Variants in SNTG2 observed in about 807,000 individuals in gnomAD.
SNTG2 encodes gamma-2-syntrophin.
Under a neutral mutation model 70.9 loss-of-function variants are expected in SNTG2, and 74 were observed. The ratio of observed to expected loss-of-function variants is 1.04; its 90% CI spans 0.86 to 1.27. The LOEUF (loss-of-function observed/expected upper bound fraction) is 1.27, where lower values mean the gene tolerates loss of function less well. SNTG2 is among the 50% of genes most tolerant of loss of function. The pLI is 0.00. For missense variants in SNTG2, 717 were observed against 690.7 expected (o/e 1.04, Z -0.43); for synonymous variants, 278 against 273.8 (o/e 1.02, Z -0.15).
chr2:1,162,424 C>T lies in SNTG2; in HGVS notation c.412-3124C>T, dbSNP rs566603704. Among the ~76,000 whole-genome samples the T allele has an allele frequency of 1.6e-3, 245 of 152,260 alleles. 5 individuals are homozygous for T. In the South Asian group the frequency reaches 0.028, roughly 18 times the overall value. ...GGGCAGCCTGTTTAAGGATGGGGCA[C>T]GGTGAGCTTCATGAATCTCAAACTG... On this transcript the variant is annotated intron_variant, in intron 6 of 16. Coordinates refer to ENST00000308624, the MANE Select transcript of SNTG2 (RefSeq NM_018968.4).
chr2:1,035,249 A>G (rs1042725209), intron 1 of SNTG2, among the ~76,000 whole-genome samples: 4 of 152,148 alleles, frequency 2.6e-5, no homozygotes, highest in East Asian at 1.9e-4. Flanking sequence ...GGAGCATTCA[A>G]TATTGTATTT....
At chr2:1,052,161 G>T (rs918450996) in intron 1 of SNTG2, among the ~76,000 whole-genome samples, 4 of 151,978 alleles carry the variant, frequency 2.6e-5, no homozygotes, top group Non-Finnish European at 5.9e-5. Flanking sequence ...GAGTTTACTG[G>T]TAGTCATTGT....
chr2:951,028 C>A lies in SNTG2; in HGVS notation c.32C>A (p.Ala11Asp). The A allele has an allele frequency of 1.6e-6, 2 of 1,266,718 alleles. No individual in the cohort carries two copies. The highest frequency in any genetic ancestry group is 6.2e-5 in the South Asian group (2 of 32,352). 78.5% of individuals were successfully genotyped at this position (1,266,718 alleles called of 1,614,324 possible). Reference protein sequence around the residue: MGTEGPPPPAASRGRQGCLLV... With the variant: MGTEGPPPPADSRGRQGCLLV... ...ACCGAGGGACCCCCGCCCCCGGCCG[C>A]CTCCCGCGGACGCCAGGGCTGCCTG... The change falls in exon 1 of 17, where the codon GCC (alanine) becomes GAC (aspartate). Residue 11 changes from alanine to aspartate, a missense_variant. Physicochemically the swap from Ala to Asp is moderately radical, Grantham distance 126. Coordinates refer to ENST00000308624, the MANE Select transcript of SNTG2 (RefSeq NM_018968.4).
chr2:1,034,885 C>T (rs1418709357), intron 1 of SNTG2, among the ~76,000 whole-genome samples: 1 of 152,178 alleles, frequency 6.6e-6, no homozygotes, highest in Non-Finnish European at 1.5e-5. Context: ...GACCTCTAAA[C>T]AACTTTCCAC....
At chr2:1,095,810 A>C (rs1197656614) in intron 2 of SNTG2, among the ~76,000 whole-genome samples, 1 of 152,260 alleles carries the variant, frequency 6.6e-6, no homozygotes, top group Non-Finnish European at 1.5e-5. Flanking sequence ...GAGCATTTTC[A>C]GAAATTCCAT....
chr2:1,280,330 A>G (rs1263370934), intron 14 of SNTG2, among the ~76,000 whole-genome samples: 3 of 152,198 alleles, frequency 2.0e-5, no homozygotes, highest in African/African-American at 7.2e-5. Context: ...TGTCTTCATT[A>G]TGTACATGAA....
chr2:1,237,481 C>T (rs1676743703), intron 9 of SNTG2, among the ~76,000 whole-genome samples: 1 of 152,076 alleles, frequency 6.6e-6, no homozygotes, highest in South Asian at 2.1e-4. Context: ...CAGAAGCACA[C>T]AGGTGGTCCT....
intron 9 of SNTG2, among the ~76,000 whole-genome samples, chr2:1,216,035 A>G (rs1215742737): frequency 1.3e-5 from 2 of 152,208 alleles, no homozygotes; most frequent in Non-Finnish European, 2.9e-5. Flanking sequence ...GTGTCTTTAT[A>G]GCAGCATGAT....
intron 11 of SNTG2, among the ~76,000 whole-genome samples, chr2:1,246,705 A>G (rs1677451086): frequency 6.7e-6 from 1 of 148,390 alleles, no homozygotes; most frequent in Non-Finnish European, 1.5e-5. Flanking sequence ...AAAATTTTAG[A>G]TAACATGGAT....
intron 12 of SNTG2, among the ~76,000 whole-genome samples, chr2:1,256,100 A>G (rs10184245): frequency 0.21 from 31,501 of 151,014 alleles, 4,452 homozygotes; most frequent in African/African-American, 0.4. Context: ...GTATATTTTT[A>G]TTTATGTATA....
In SNTG2 at chr2:1,137,773, T is replaced by C; in HGVS notation, c.375T>C (p.Asn125=). Residue 125 remains asparagine, a synonymous_variant, in exon 6 of 17, where the codon AAT becomes AAC. Coordinates refer to ENST00000308624, the MANE Select transcript of SNTG2 (RefSeq NM_018968.4). ...LFVGDAVLQV[N]GIHVENATHE... ...TTACTTTGTCATCTGTTCAGGTTAATGGCATACATGTAGAAAATGCAACTC... is the reference window on the plus strand; with the variant it reads ...TTACTTTGTCATCTGTTCAGGTTAACGGCATACATGTAGAAAATGCAACTC... 1.9e-6 allele frequency: 3 copies of C among 1,613,706 alleles called. No individual in the cohort carries two copies. In the African/African-American group the frequency reaches 4.0e-5, roughly 22 times the overall value.
chr2:1,351,675 TTC>T (rs1277070677), intron 16 of SNTG2, among the ~76,000 whole-genome samples: 3 of 152,192 alleles, frequency 2.0e-5, no homozygotes, highest in Admixed American at 2.0e-4. Context: ...CTGGGTTTGT[TTC>T]TCTGTCACCA....
At chr2:1,232,683 A>G (rs1676337540) in intron 9 of SNTG2, among the ~76,000 whole-genome samples, 1 of 152,392 alleles carries the variant, frequency 6.6e-6, no homozygotes, top group East Asian at 1.9e-4. Flanking sequence ...TGGACTATTT[A>G]GAAATGCCAC....
intron 1 of SNTG2, among the ~76,000 whole-genome samples, chr2:957,251 G>A (rs1660195208): frequency 6.8e-6 from 1 of 147,130 alleles, no homozygotes; most frequent in South Asian, 2.2e-4. Context: ...ATGGTCTGCA[G>A]CAAGGTAGAT....
At chr2:1,006,246 G>A (rs980065761) in intron 1 of SNTG2, among the ~76,000 whole-genome samples, 1 of 150,962 alleles carries the variant, frequency 6.6e-6, no homozygotes, top group African/African-American at 2.4e-5. Flanking sequence ...CACTAGCATG[G>A]CACATGTATA....
At chr2:962,952 A>G (rs1471484145) in intron 1 of SNTG2, among the ~76,000 whole-genome samples, 1 of 152,198 alleles carries the variant, frequency 6.6e-6, no homozygotes, top group Admixed American at 6.5e-5. Flanking sequence ...AGGTACTGCA[A>G]ATATTTCAAA....
chr2:1,129,685 T>A (rs1667904522), intron 4 of SNTG2, among the ~76,000 whole-genome samples: 1 of 152,196 alleles, frequency 6.6e-6, no homozygotes, highest in African/African-American at 2.4e-5. Context: ...TCACCTTTAA[T>A]CCTTTTGAAG....
chr2:1,302,023 G>A (rs901066471), intron 14 of SNTG2, among the ~76,000 whole-genome samples: 9 of 151,438 alleles, frequency 5.9e-5, no homozygotes, highest in Non-Finnish European at 1.2e-4. Flanking sequence ...GTGCAGTGGT[G>A]TGATCTCGGC....
intron 1 of SNTG2, among the ~76,000 whole-genome samples, chr2:1,066,361 A>G (rs1261255650): frequency 6.6e-6 from 1 of 151,956 alleles, no homozygotes; most frequent in Non-Finnish European, 1.5e-5. Flanking sequence ...TGCAGTGTAC[A>G]GTCACGTGTT....
Sources: gnomAD v4.1 joint callset for allele counts (sites outside exome capture counted in the v4.1 genomes callset) on GRCh38, gnomAD v4.1.1 for gene constraint, MANE v1.5 for transcripts, NCBI Gene and HGNC (gene_info 2026-07-23, HGNC 2026-07-21) for gene names.